Variants in APPBP2 observed in about 807,000 individuals in gnomAD.
APPBP2 encodes amyloid protein-binding protein 2.
Under a neutral mutation model 76.0 loss-of-function variants are expected in APPBP2, and 15 were observed. The ratio of observed to expected loss-of-function variants is 0.20; its 90% confidence interval spans 0.13 to 0.30. APPBP2 has a LOEUF of 0.30. Among genes scored for constraint, APPBP2 ranks in the 10% least tolerant of loss-of-function variants. The pLI, the probability that APPBP2 is intolerant of heterozygous loss-of-function variation, is 1.00. For synonymous variants in APPBP2, 222 were observed against 242.2 expected (o/e 0.92, Z 0.77); for missense variants, 401 against 687.2 (o/e 0.58, Z 4.66).
intron 1 of APPBP2, among the ~76,000 whole-genome samples, chr17:60,512,022 A>G (rs957965859): frequency 1.3e-5 from 2 of 152,166 alleles, no homozygotes; most frequent in African/African-American, 4.8e-5. Context: ...ATCTAGGAAC[A>G]AAATATTGGC....
chr17:60,452,181 T>C lies in APPBP2; in HGVS notation c.1339-136A>G, dbSNP rs2090400349. On this transcript the variant is annotated intron_variant, in intron 11 of 12. Coordinates refer to ENST00000083182, the MANE Select transcript of APPBP2 (RefSeq NM_006380.5). ...GGTAATCAGATCAAAGAACATACTA[T>C]GTTATTCCAAAAATTGCCTATGGGA... is the stretch of plus-strand genomic sequence containing the variant. 31 of 899,870 alleles carry C rather than the reference T, an allele frequency of 3.4e-5. 1 individual carries two copies. In the South Asian group the frequency reaches 5.6e-4, roughly 16 times the overall value. 55.7% of individuals were successfully genotyped at this position (899,870 alleles called of 1,614,324 possible). A position where few individuals can be genotyped will look rare whatever the true frequency, so the allele number is the denominator to read the frequency against.
At chr17:60,487,382 T>C (rs1278868184) in intron 3 of APPBP2, among the ~76,000 whole-genome samples, 1 of 130,508 alleles carries the variant, frequency 7.7e-6, no homozygotes, top group Non-Finnish European at 1.5e-5. Context: ...CTTGGAGGCT[T>C]TGTTTGTTTC....
intron 4 of APPBP2, among the ~76,000 whole-genome samples, chr17:60,475,648 T>TAC (rs72415327): frequency 0.48 from 62,100 of 128,936 alleles, 16,390 homozygotes; most frequent in South Asian, 0.62. Context: ...CAACTCTTTA[T>TAC]ACACACACAC....
chr17:60,456,648 T>C (rs1438100577), intron 9 of APPBP2, among the ~76,000 whole-genome samples: 2 of 152,186 alleles, frequency 1.3e-5, no homozygotes, highest in Non-Finnish European at 2.9e-5. Context: ...GCTACTTCCC[T>C]GACCTCATCT....
intron 3 of APPBP2, among the ~76,000 whole-genome samples, chr17:60,492,115 G>A (rs2090734758): frequency 6.6e-6 from 1 of 152,140 alleles, no homozygotes; most frequent in African/African-American, 2.4e-5. Context: ...CTTCCAAGGG[G>A]GCAAGTCCCA....
intron 1 of APPBP2, among the ~76,000 whole-genome samples, chr17:60,513,722 G>A (rs562882771): frequency 6.6e-6 from 1 of 151,924 alleles, no homozygotes; most frequent in South Asian, 2.1e-4. Flanking sequence ...AATTAGCCGG[G>A]CGTGGTGGCG....
chr17:60,483,089 C>A (rs896680530), intron 3 of APPBP2, among the ~76,000 whole-genome samples: 5 of 151,862 alleles, frequency 3.3e-5, no homozygotes, highest in Admixed American at 6.6e-5. Context: ...TTCTCCAGCA[C>A]CTGTTTCCTG....
chr17:60,504,494 G>T (rs2090850946), intron 1 of APPBP2, among the ~76,000 whole-genome samples: 1 of 152,116 alleles, frequency 6.6e-6, no homozygotes, highest in African/African-American at 2.4e-5. Context: ...CTGATAAAAT[G>T]TAACAAAAAG....
intron 1 of APPBP2, among the ~76,000 whole-genome samples, chr17:60,517,771 T>C (rs1023367068): frequency 7.2e-5 from 11 of 152,232 alleles, no homozygotes; most frequent in African/African-American, 2.7e-4. Flanking sequence ...ATTACCTTAA[T>C]TGTTATAGCC....
intron 1 of APPBP2, among the ~76,000 whole-genome samples, chr17:60,514,083 G>A (rs1182465669): frequency 6.8e-6 from 1 of 147,296 alleles, no homozygotes; most frequent in Non-Finnish European, 1.5e-5. Flanking sequence ...GTGGCAGGAA[G>A]ATCACTTGAA....
In APPBP2 at chr17:60,447,512, T is replaced by C. The variant is rs976317977; in HGVS notation, c.*69A>G. On this transcript the variant is annotated 3_prime_UTR_variant, in exon 13 of 13. Coordinates refer to ENST00000083182, the MANE Select transcript of APPBP2 (RefSeq NM_006380.5). ...CAAATTCCAGCCCCCCAAAACAACA[T>C]GGTTTTGATTTCACAGTATGAATTC... 8 of 1,513,710 alleles carry C rather than the reference T, an allele frequency of 5.3e-6. No individual in the cohort carries two copies. In the Admixed American group the frequency reaches 6.3e-5, roughly 12 times the overall value. The allele number at this position is 1,513,710 out of a possible 1,614,324, so 93.8% of individuals were successfully genotyped here.
chr17:60,525,905 G>A lies in APPBP2; in HGVS notation c.27C>T (p.Ile9=), dbSNP rs761407673. The A allele has an allele frequency of 9.9e-6, 16 of 1,613,836 alleles. No individual in the cohort carries two copies. The African/African-American group carries it at 1.5e-4, about 15-fold the overall frequency. MAAVELEW[I]PETLYNTAIS... The stretch of plus-strand genomic sequence containing the variant: ...TGGCGGTGTTATAGAGAGTCTCTGG[G>A]ATCCACTCTAGTTCCACGGCCGCCA... Residue 9 remains isoleucine (I), a synonymous_variant, in exon 1 of 13, where the codon ATC becomes ATT. Transcript: ENST00000083182.
At chr17:60,510,094 T>C (rs1156235722) in intron 1 of APPBP2, among the ~76,000 whole-genome samples, 1 of 151,448 alleles carries the variant, frequency 6.6e-6, no homozygotes, top group Non-Finnish European at 1.5e-5. Context: ...CATTTATTAT[T>C]ATGCTCTGAT....
rs111680065 is a variant in APPBP2 at position 60,470,336 on chromosome 17, T to A, written c.504-3877A>T. The stretch of plus-strand genomic sequence containing the variant: ...AGTGCAGTTGCATGATCAAGCTCAC[T>A]ACAGCCATGATCTCCTGGGCTTAAG... On this transcript the variant is annotated intron_variant, in intron 4 of 12. Transcript: ENST00000083182. Among the ~76,000 whole-genome samples the A allele has an allele frequency of 3.0e-3, 454 of 151,722 alleles. 1 individual carries two copies. Among genetic ancestry groups the A allele is most frequent in the African/African-American group, 0.01 (420 of 41,348 alleles).
chr17:60,478,829 G>A (rs1376080237), intron 4 of APPBP2, among the ~76,000 whole-genome samples: 1 of 152,176 alleles, frequency 6.6e-6, no homozygotes, highest in Non-Finnish European at 1.5e-5. Context: ...AGAATCACTT[G>A]AACCCAGGAG....
intron 4 of APPBP2, among the ~76,000 whole-genome samples, chr17:60,473,502 A>G (rs770415886): frequency 2.0e-5 from 3 of 152,212 alleles, no homozygotes; most frequent in Admixed American, 6.5e-5. Flanking sequence ...GATATATGTG[A>G]TAACATTAAA....
intron 2 of APPBP2, among the ~76,000 whole-genome samples, chr17:60,495,955 A>C (rs1156285263): frequency 1.3e-5 from 2 of 152,194 alleles, no homozygotes; most frequent in African/African-American, 4.8e-5. Context: ...ATTCAGCCAT[A>C]AAAAAGGAAA....
rs549623824 is a variant in APPBP2 at position 60,509,557 on chromosome 17, C to A, written c.139-9070G>T. On this transcript the variant is annotated intron_variant, in intron 1 of 12. Coordinates refer to ENST00000083182, the MANE Select transcript of APPBP2 (RefSeq NM_006380.5). ...GTGGCTCACGCCTGTAATCCCAGCA[C>A]CTTAGGAGGCCTAGGCAGGCGGATC... 2.6e-5 allele frequency among the ~76,000 whole-genome samples: 4 copies of A among 152,162 alleles called. No homozygotes were observed. In the East Asian group the frequency reaches 7.7e-4, roughly 29 times the overall value.
intron 1 of APPBP2, among the ~76,000 whole-genome samples, chr17:60,524,840 T>G (rs145984105): frequency 6.6e-5 from 10 of 152,354 alleles, no homozygotes; most frequent in African/African-American, 2.4e-4. Context: ...TACTGGACAC[T>G]AGGAGTTATC....
Sources: allele counts gnomAD v4.1 joint callset (sites outside exome capture counted in the v4.1 genomes callset), GRCh38; gene constraint gnomAD v4.1.1; transcripts MANE v1.5; gene names NCBI Gene and HGNC (gene_info 2026-07-23, HGNC 2026-07-21).